Variants in TFIP11 observed in about 807,000 individuals in gnomAD.
TFIP11 encodes tuftelin interacting protein 11, also known as tuftelin-interacting protein 11.
TFIP11 carries 86 observed loss-of-function variants against 96.8 expected under a neutral mutation model. That is an observed-to-expected ratio of 0.89 (90% confidence interval 0.75 to 1.06). TFIP11 has a LOEUF of 1.06. TFIP11 is among the 50% of genes least tolerant of loss of function. The pLI is 0.00. For missense variants in TFIP11, 881 were observed against 1,076.7 expected, an observed-to-expected ratio of 0.82 and a Z score of 2.54; for synonymous variants, 405 against 395.2, an observed-to-expected ratio of 1.02 and a Z score of -0.29.
In TFIP11 at chr22:26,494,368, G is replaced by T. The variant is rs1466773549; in HGVS notation, c.1993-64C>A. On this transcript the variant is annotated intron_variant, in intron 13 of 14. Transcript: ENST00000407690. ...CAAATGAAGGCAAGATTTCTGAAGT[G>T]GCCATTTGTTTTGTTTTGATCCTGG... 3 of 1,597,928 alleles carry T rather than the reference G, an allele frequency of 1.9e-6. No homozygotes were observed. The African/African-American group carries it at 4.0e-5, about 21-fold the overall frequency.
rs1390440141 is a variant in TFIP11 at position 26,491,825 on chromosome 22, C to G, written c.*188G>C. The G allele has an allele frequency of 1.1e-6, 1 of 920,382 alleles. No individual in the cohort carries two copies. The highest frequency in any genetic ancestry group is 2.6e-5 in the East Asian group (1 of 38,036). The allele number at this position is 920,382 out of a possible 1,614,324, so 57.0% of individuals were successfully genotyped here. On this transcript the variant is annotated 3_prime_UTR_variant, in exon 15 of 15. Transcript: ENST00000407690. ...TTGAGGACGATACCCCACATGAGGACTTGGTATAAAGATTCCTGCCCTACG... is the reference window on the plus strand; with the variant it reads ...TTGAGGACGATACCCCACATGAGGAGTTGGTATAAAGATTCCTGCCCTACG...
chr22:26,494,870 T>G lies in TFIP11; in HGVS notation c.1919A>C (p.Asp640Ala). ...QHMDAFYWVI[D>A]WEGMISVSSL... ...AGAGACAGAGATCATCCCTTCCCAG[T>G]CAATCACCCAATAGAATGCATCCAT... The change falls in exon 13 of 15, where the codon GAC becomes GCC. Residue 640 changes from aspartate (D) to alanine (A), a missense_variant. Asp to Ala is a moderately radical substitution (Grantham distance 126). Transcript: ENST00000407690. The G allele has an allele frequency of 6.2e-7, 1 of 1,614,164 alleles. No individual in the cohort carries two copies. Among genetic ancestry groups the G allele is most frequent in the Middle Eastern group, 1.6e-4 (1 of 6,062 alleles).
At chr22:26,500,924 C>T (rs924879635) in intron 8 of TFIP11, among the ~76,000 whole-genome samples, 4 of 149,662 alleles carry the variant, frequency 2.7e-5, no homozygotes, top group South Asian at 4.3e-4. Flanking sequence ...CGCTCTGTCC[C>T]CCAGGCTGGA....
chr22:26,502,227 C>T, intron 7 of TFIP11, 175 bp from the exon 8 acceptor site: 1 of 693,994 alleles, frequency 1.4e-6, no homozygotes, highest in Non-Finnish European at 2.4e-6. Flanking sequence ...TAATGATACT[C>T]CTTGACCCCA....
intron 4 of TFIP11, among the ~76,000 whole-genome samples, chr22:26,509,749 G>A (rs140601526): frequency 2.8e-4 from 43 of 152,190 alleles, no homozygotes; most frequent in African/African-American, 9.6e-4. Context: ...CCACCTACTC[G>A]GGAGGCTGAG....
chr22:26,506,271 C>T, intron 6 of TFIP11, 32 bp downstream of exon 6: 1 of 1,557,690 alleles, frequency 6.4e-7, no homozygotes, highest in Non-Finnish European at 8.7e-7. Flanking sequence ...GCCTGCCCTC[C>T]TCCATCATGC....
chr22:26,503,723 G>A lies in TFIP11; in HGVS notation c.591C>T (p.Arg197=). Residue 197 remains arginine (R), a synonymous_variant, in exon 7 of 15, where the codon CGC becomes CGT. Coordinates refer to ENST00000407690, the MANE Select transcript of TFIP11 (RefSeq NM_012143.4). ...GGAAGTCTTGCATGGACTGAGTGGT[G>A]CGCTCGGATCCATAAGCCCCCACAG... ...KGAVGAYGSE[R]TTQSMQDFPV... is the part of the protein sequence containing the mutation. The A allele has an allele frequency of 6.2e-7, 1 of 1,613,886 alleles. No homozygotes were observed. The highest frequency in any genetic ancestry group is 8.5e-7 in the Non-Finnish European group (1 of 1,179,992).
chr22:26,491,677 G>C lies in TFIP11; in HGVS notation c.*336C>G. 6.2e-7 allele frequency: 1 copy of C among 1,607,074 alleles called. No individual in the cohort carries two copies. The highest frequency in any genetic ancestry group is 8.5e-7 in the Non-Finnish European group (1 of 1,179,528). ...GATCCTTCTGCTACTGACTGAACTC[G>C]TTGTGAGGTACTCAGTGTTGGCTGA... On this transcript the variant is annotated 3_prime_UTR_variant, in exon 15 of 15. Transcript: ENST00000407690.
rs1420548401 is a variant in TFIP11 at position 26,501,212 on chromosome 22, CG to C, written c.801+687del. ...TGGAAAACTTAATACACTACATGGA[CG>C]TAACAGTGGCTGAAAATTTAATCTA... On this transcript the variant is annotated intron_variant, in intron 8 of 14. Transcript: ENST00000407690. 2.0e-5 allele frequency among the ~76,000 whole-genome samples: 3 copies of C among 152,166 alleles called. No individual in the cohort carries two copies. In the East Asian group the frequency reaches 5.8e-4, roughly 29 times the overall value.
Position 26,491,853 on chromosome 22 carries a change from G to A in TFIP11, c.*160C>T. 1.1e-6 allele frequency: 1 copy of A among 935,860 alleles called. No individual in the cohort carries two copies. The highest frequency in any genetic ancestry group is 1.6e-6 in the Non-Finnish European group (1 of 636,948). The allele number at this position is 935,860 out of a possible 1,614,324, so 58.0% of individuals were successfully genotyped here. A position where few individuals can be genotyped will look rare whatever the true frequency, so the allele number is the denominator to read the frequency against. ...GGTATAAAGATTCCTGCCCTACGTGGCATTGTCCCATTTTACATCCTTCCC... is the reference window on the plus strand; with the variant it reads ...GGTATAAAGATTCCTGCCCTACGTGACATTGTCCCATTTTACATCCTTCCC... On this transcript the variant is annotated 3_prime_UTR_variant, in exon 15 of 15. Coordinates refer to ENST00000407690, the MANE Select transcript of TFIP11 (RefSeq NM_012143.4).
intron 10 of TFIP11, among the ~76,000 whole-genome samples, chr22:26,497,510 G>A (rs1922212266): frequency 6.6e-6 from 1 of 152,220 alleles, no homozygotes; most frequent in South Asian, 2.1e-4. Context: ...AAACAGTGTG[G>A]AGATTCCTTA....
chr22:26,495,964 C>A, intron 12 of TFIP11, 109 bp downstream of exon 12: 1 of 1,460,736 alleles, frequency 6.8e-7, no homozygotes, highest in Non-Finnish European at 9.2e-7. Context: ...ATATTGTGTA[C>A]TAAGCACTTT....
rs180739776 is a variant in TFIP11, at chr22:26,491,947, T to C, written c.*66A>G. ...TACCCTTTTGAAGGTGATCTAAAAA[T>C]ACTGTTTATTTACAGTACATCCCTC... On this transcript the variant is annotated 3_prime_UTR_variant, in exon 15 of 15. Transcript: ENST00000407690. 594 of 1,433,488 alleles carry C rather than the reference T, an allele frequency of 4.1e-4. 1 individual carries two copies. The African/African-American group carries it at 4.8e-3, about 12-fold the overall frequency. 88.8% of individuals were successfully genotyped at this position (1,433,488 alleles called of 1,614,324 possible).
rs377662762 is a variant in TFIP11, at chr22:26,498,992, G to T, written c.1330-17C>A. ...AGTGCAGTCCTGAGGAGAAAGGTGA[G>T]CAGTTGAGGGGCAGCGGGCTCTCCA... is the stretch of plus-strand genomic sequence containing the variant. On this transcript the variant is annotated splice_polypyrimidine_tract_variant and intron_variant, in intron 9 of 14. Coordinates refer to ENST00000407690, the MANE Select transcript of TFIP11 (RefSeq NM_012143.4). 134 of 1,613,154 alleles carry T rather than the reference G, an allele frequency of 8.3e-5. No individual in the cohort carries two copies. Among genetic ancestry groups the T allele is most frequent in the Non-Finnish European group, 1.1e-4 (134 of 1,179,348 alleles).
Position 26,501,893 on chromosome 22 carries a change from C to G in TFIP11, c.801+7G>C. 6.2e-7 allele frequency: 1 copy of G among 1,611,174 alleles called. No homozygotes were observed. Among genetic ancestry groups the G allele is most frequent in the Non-Finnish European group, 8.5e-7 (1 of 1,178,760 alleles). On this transcript the variant is annotated splice_region_variant and intron_variant, in intron 8 of 14. Transcript: ENST00000407690. ...ATCCTGTACCAGGTGTCCAAGGGCC[C>G]CTGTACCTTGACTTGAGAAAGTTCC...
intron 14 of TFIP11, chr22:26,493,820 G>T: frequency 3.2e-6 from 1 of 308,066 alleles, no homozygotes; most frequent in Non-Finnish European, 6.3e-6. Context: ...GCATGCTCAG[G>T]CATGAATGAG....
intron 2 of TFIP11, chr22:26,511,243 G>T (rs180749478): frequency 2.0e-5 from 3 of 152,226 alleles, no homozygotes; most frequent in Non-Finnish European, 4.4e-5. Flanking sequence ...ACAGGAGAAA[G>T]ATATAGGCTG....
At chr22:26,500,335 A>G (rs1262351147) in intron 8 of TFIP11, among the ~76,000 whole-genome samples, 1 of 151,828 alleles carries the variant, frequency 6.6e-6, no homozygotes, top group Non-Finnish European at 1.5e-5. Context: ...ACACTTGGCT[A>G]ATTTTTTGTA....
intron 3 of TFIP11, 97 bp downstream of exon 3, chr22:26,510,520 A>T (rs1323927975): frequency 5.9e-6 from 3 of 510,888 alleles, no homozygotes; most frequent in African/African-American, 1.9e-5. Context: ...AAAAGTACAT[A>T]TCTCCTTGTC....
Sources: allele counts gnomAD v4.1 joint callset (sites outside exome capture counted in the v4.1 genomes callset), GRCh38; gene constraint gnomAD v4.1.1; transcripts MANE v1.5; gene names NCBI Gene and HGNC (gene_info 2026-07-23, HGNC 2026-07-21).